Variants in REV3L observed in about 807,000 individuals in gnomAD.
The protein encoded by REV3L is REV3 like, DNA directed polymerase zeta catalytic subunit.
REV3L carries 69 observed loss-of-function variants against 299.4 expected under a neutral mutation model. The ratio of observed to expected loss-of-function variants is 0.23; its 90% CI spans 0.19 to 0.28. The LOEUF (loss-of-function observed/expected upper bound fraction) is 0.28. REV3L is among the 10% of genes least tolerant of loss of function. The pLI is 1.00. For synonymous variants in REV3L, 1,238 were observed against 1,271.4 expected (o/e 0.97, Z 0.56); for missense variants, 3,128 against 3,693.8 (o/e 0.85, Z 3.97).
In REV3L at chr6:111,446,144, A is replaced by G. The variant is rs17539225; in HGVS notation, c.140-29672T>C. ...GTATGAGTTAAGTCTCATTTTAACA[A>G]TTGTGCTGTCTTGTGGTCATCAATC... On this transcript the variant is annotated intron_variant, in intron 1 of 31. Coordinates refer to ENST00000368802, the MANE Select transcript of REV3L (RefSeq NM_001372078.1). 7.3e-3 allele frequency among the ~76,000 whole-genome samples: 1,108 copies of G among 152,316 alleles called. 9 individuals are homozygous for G. Among genetic ancestry groups the G allele is most frequent in the African/African-American group, 0.024 (1,001 of 41,560 alleles).
chr6:111,320,156 C>T (rs1328264037), intron 26 of REV3L, among the ~76,000 whole-genome samples: 2 of 151,868 alleles, frequency 1.3e-5, no homozygotes, highest in East Asian at 3.9e-4. Context: ...GCAACCTCTG[C>T]CTCCCGGGTT....
chr6:111,330,908 A>G, intron 24 of REV3L: 1 of 839,406 alleles, frequency 1.2e-6, no homozygotes, highest in Non-Finnish European at 1.4e-6. Flanking sequence ...TTCTTCATCT[A>G]CATGGCTAAT....
rs1771204747 is a variant in REV3L at position 111,299,265 on chromosome 6, G to A, written c.*751C>T. On this transcript the variant is annotated 3_prime_UTR_variant, in exon 32 of 32. Transcript: ENST00000368802. ...AAGTATATTTAGAAGCAATAGAAATGTCTATACAAAACAAGCAAATGGAAT... is the reference window on the plus strand; with the variant it reads ...AAGTATATTTAGAAGCAATAGAAATATCTATACAAAACAAGCAAATGGAAT... 6.6e-6 allele frequency: 1 copy of A among 152,538 alleles called. No individual in the cohort carries two copies. The highest frequency in any genetic ancestry group is 1.5e-5 in the Non-Finnish European group (1 of 68,018). The allele number at this position is 152,538 out of a possible 1,614,324, so 9.4% of individuals were successfully genotyped here.
intron 1 of REV3L, among the ~76,000 whole-genome samples, chr6:111,420,827 G>A (rs540570035): frequency 1.3e-5 from 2 of 152,012 alleles, no homozygotes; most frequent in Non-Finnish European, 2.9e-5. Context: ...CATCTTTCAC[G>A]GAACCCAGAA....
In REV3L at chr6:111,375,950, A is replaced by C. The variant is rs1386183373; in HGVS notation, c.2405T>G (p.Val802Gly). Residue 802 changes from valine (V) to glycine (G), a missense_variant, in exon 13 of 32, where the codon GTT becomes GGT. Coordinates refer to ENST00000368802, the MANE Select transcript of REV3L (RefSeq NM_001372078.1). ...TCTAGTAAGACAGTTAGAAAGAACA[A>C]CACTGGGAAAAAACATATAGTGTGC... ...QAAHYMFFPS[V>G]VLSNCLTRPQ... 1 of 1,613,994 alleles carries C rather than the reference A, an allele frequency of 6.2e-7. No individual in the cohort carries two copies. The highest frequency in any genetic ancestry group is 1.6e-4 in the Middle Eastern group (1 of 6,062).
intron 31 of REV3L, among the ~76,000 whole-genome samples, chr6:111,303,167 T>TTCTTTTTC (rs1224574274): frequency 8.5e-6 from 1 of 117,420 alleles, no homozygotes; most frequent in Non-Finnish European, 1.7e-5. Flanking sequence ...TTTTCTTTCT[T>TTCTTTTTC]TTTTTTTTTT....
chr6:111,445,921 A>C (rs79613749), intron 1 of REV3L, among the ~76,000 whole-genome samples: 1 of 152,232 alleles, frequency 6.6e-6, no homozygotes, highest in Non-Finnish European at 1.5e-5. Flanking sequence ...AATGCCAAGC[A>C]TATGAGTGGG....
At position 111,447,200 on chromosome 6, in the gene REV3L, G is replaced by A. The variant is rs17510464; in HGVS notation, c.140-30728C>T. ...TGATGGTTTGCAAAAGACTTAATACGGGTGGCTGCAAAACTTAGCCTTTAG... is the reference window on the plus strand; with the variant it reads ...TGATGGTTTGCAAAAGACTTAATACAGGTGGCTGCAAAACTTAGCCTTTAG... On this transcript the variant is annotated intron_variant, in intron 1 of 31. Transcript: ENST00000368802. Among the ~76,000 whole-genome samples the A allele has an allele frequency of 3.8e-4, 58 of 152,190 alleles. 1 individual carries two copies. The East Asian group carries it at 0.01, about 27-fold the overall frequency.
At chr6:111,481,500 C>T (rs986173584) in intron 1 of REV3L, among the ~76,000 whole-genome samples, 3 of 152,182 alleles carry the variant, frequency 2.0e-5, no homozygotes, top group African/African-American at 7.2e-5. Flanking sequence ...ACAACATTGA[C>T]ATTTTAACAA....
chr6:111,483,179 T>C lies in REV3L; in HGVS notation c.-291A>G. 2.0e-6 allele frequency: 1 copy of C among 488,074 alleles called. No homozygotes were observed. Among genetic ancestry groups the C allele is most frequent in the Non-Finnish European group, 3.6e-6 (1 of 281,490 alleles). 30.2% of individuals were successfully genotyped at this position (488,074 alleles called of 1,614,324 possible). ...GCCGGGAATCACACGGGCTCCTCGGTCCCAGGCTGCAGCTCTTGTTGCCAT... is the reference window on the plus strand; with the variant it reads ...GCCGGGAATCACACGGGCTCCTCGGCCCCAGGCTGCAGCTCTTGTTGCCAT... On this transcript the variant is annotated 5_prime_UTR_variant, in exon 1 of 32. Coordinates refer to ENST00000368802, the MANE Select transcript of REV3L (RefSeq NM_001372078.1).
intron 1 of REV3L, among the ~76,000 whole-genome samples, chr6:111,456,393 A>C (rs997206676): frequency 6.6e-6 from 1 of 152,156 alleles, no homozygotes; most frequent in African/African-American, 2.4e-5. Flanking sequence ...GTTTACTTCA[A>C]TTTTTAAGAA....
chr6:111,336,295 T>A lies in REV3L; in HGVS notation c.7539-685A>T, dbSNP rs181058760. ...ATTTTAATATTATAAGATGTAAAAATGACCCAGAAGTATACTATAAGGAAT... is the reference window on the plus strand; with the variant it reads ...ATTTTAATATTATAAGATGTAAAAAAGACCCAGAAGTATACTATAAGGAAT... On this transcript the variant is annotated intron_variant, in intron 21 of 31. Coordinates refer to ENST00000368802, the MANE Select transcript of REV3L (RefSeq NM_001372078.1). Among the ~76,000 whole-genome samples, 559 of 152,128 alleles carry A rather than the reference T, an allele frequency of 3.7e-3. 10 individuals are homozygous for A. The highest frequency in any genetic ancestry group is 0.035 in the Admixed American group (530 of 15,268).
rs1262077532 is a variant in REV3L, at chr6:111,386,944, A to G, written c.1096+821T>C. Among the ~76,000 whole-genome samples, 4 of 151,606 alleles carry G rather than the reference A, an allele frequency of 2.6e-5. No homozygotes were observed. In the East Asian group the frequency reaches 7.8e-4, roughly 29 times the overall value. ...ACCATGTTGGCCAGGCTGGTTGCCA[A>G]CTCCTGACCTCAGGTGATCCGCCTG... On this transcript the variant is annotated intron_variant, in intron 9 of 31. Transcript: ENST00000368802.
intron 25 of REV3L, 143 bp downstream of exon 25, chr6:111,329,389 T>C (rs1775160927): frequency 2.9e-6 from 2 of 678,934 alleles, no homozygotes; most frequent in Admixed American, 4.8e-5. Context: ...TCTCACTATG[T>C]TGTCCAGGCA....
At position 111,405,640 on chromosome 6, in the gene REV3L, A is replaced by C. The variant is rs767648744; in HGVS notation, c.405-10T>G. On this transcript the variant is annotated splice_polypyrimidine_tract_variant and intron_variant, in intron 3 of 31. Coordinates refer to ENST00000368802, the MANE Select transcript of REV3L (RefSeq NM_001372078.1). ...CAAAAGTTCACATATCCTAAATTAG[A>C]AAAAAAAAGTTTTATCATAAAATTA... 6 of 1,530,142 alleles carry C rather than the reference A, an allele frequency of 3.9e-6. No homozygotes were observed. Among genetic ancestry groups the C allele is most frequent in the Non-Finnish European group, 5.3e-6 (6 of 1,130,356 alleles). The allele number at this position is 1,530,142 out of a possible 1,614,324, so 94.8% of individuals were successfully genotyped here. A position where few individuals can be genotyped will look rare whatever the true frequency, so the allele number is the denominator to read the frequency against.
chr6:111,394,771 T>A (rs990891078), intron 4 of REV3L, among the ~76,000 whole-genome samples: 1 of 151,684 alleles, frequency 6.6e-6, no homozygotes, highest in Admixed American at 6.6e-5. Flanking sequence ...TGTATGATTA[T>A]GGCTCACTGC....
chr6:111,406,889 A>T (rs1476638752), intron 3 of REV3L, among the ~76,000 whole-genome samples: 1 of 152,240 alleles, frequency 6.6e-6, no homozygotes, highest in Non-Finnish European at 1.5e-5. Context: ...TATATTGGAT[A>T]CTGTGCTAAC....
At chr6:111,309,740 T>C in intron 30 of REV3L, 113 bp downstream of exon 30, 1 of 1,234,634 alleles carries the variant, frequency 8.1e-7, no homozygotes, top group Non-Finnish European at 1.1e-6. Context: ...GGGACCACAC[T>C]CTTCCCTTCC....
intron 27 of REV3L, among the ~76,000 whole-genome samples, chr6:111,314,264 C>T (rs1025270364): frequency 2.6e-5 from 4 of 152,200 alleles, no homozygotes; most frequent in Non-Finnish European, 4.4e-5. Context: ...AATATATCTT[C>T]CATCCTACAT....
Sources: gnomAD v4.1 joint callset for allele counts (sites outside exome capture counted in the v4.1 genomes callset) on GRCh38, gnomAD v4.1.1 for gene constraint, MANE v1.5 for transcripts, NCBI Gene and HGNC (gene_info 2026-07-23, HGNC 2026-07-21) for gene names.